CD164: variants seen among roughly 807,000 people sequenced by gnomAD.
The protein encoded by CD164 is CD164 molecule, also known as sialomucin core protein 24.
In CD164, 11 loss-of-function variants were observed where a neutral mutation model predicts 24.6. The ratio of observed to expected loss-of-function variants is 0.45; its 90% CI spans 0.28 to 0.74. The LOEUF is 0.74. Among genes scored for constraint, CD164 ranks in the 30% least tolerant of loss-of-function variants. The pLI is 0.13. For synonymous variants in CD164, 126 were observed against 100.3 expected (o/e 1.26, Z -1.53); for missense variants, 295 against 243.7 (o/e 1.21, Z -1.40).
At chr6:109,380,110 G>A (rs1402953201) in intron 1 of CD164, 1 of 152,640 alleles carries the variant, frequency 6.6e-6, no homozygotes, top group Non-Finnish European at 1.5e-5. Context: ...TTAACAGGTT[G>A]AACCCAAGCA....
chr6:109,381,942 TCGACTTGCAACACTTCGAGGGGGGCCC>T (rs1771775689), intron 1 of CD164: 1 of 389,276 alleles, frequency 2.6e-6, no homozygotes, highest in Non-Finnish European at 4.6e-6. Context: ...AAAAGGCACC[TCGACTTGCAACACTTCGAGGGGGGCCC>T]CAGCCCCGCA....
At position 109,377,891 on chromosome 6, in the gene CD164, A is replaced by G; in HGVS notation, c.331+9T>C. The G allele has an allele frequency of 6.2e-7, 1 of 1,610,344 alleles. No individual in the cohort carries two copies. The highest frequency in any genetic ancestry group is 1.1e-5 in the South Asian group (1 of 90,972). On this transcript the variant is annotated intron_variant, in intron 3 of 5. Transcript: ENST00000310786. ...GGTCAGCTTCCAAGCAGCCAATATG[A>G]ATACTTACCGGAACAGAAGTCTGTC...
At chr6:109,381,703 G>C in intron 1 of CD164, 3 of 637,076 alleles carry the variant, frequency 4.7e-6, no homozygotes, top group South Asian at 1.7e-5. Flanking sequence ...ACACGAACGA[G>C]CATTACCGTC....
rs1451048525 is a variant in CD164, at chr6:109,368,308, T to C, written c.*543A>G. 3 of 1,543,076 alleles carry C rather than the reference T, an allele frequency of 1.9e-6. No homozygotes were observed. The highest frequency in any genetic ancestry group is 1.9e-4 in the Middle Eastern group (1 of 5,400). On this transcript the variant is annotated 3_prime_UTR_variant, in exon 6 of 6. Coordinates refer to ENST00000310786, the MANE Select transcript of CD164 (RefSeq NM_006016.6). The stretch of plus-strand genomic sequence containing the variant: ...TTCTTTAAATCTGGAATGTAGTTCC[T>C]TGTGTGGCATCTTATTTCTAATGTA...
At chr6:109,381,728 T>C (rs1410141576) in intron 1 of CD164, 2 of 592,470 alleles carry the variant, frequency 3.4e-6, no homozygotes, top group African/African-American at 1.9e-5. Flanking sequence ...AGTTTCTCTT[T>C]CCCGGACTTC....
At chr6:109,369,609 G>C (rs1770969665) in intron 5 of CD164, among the ~76,000 whole-genome samples, 1 of 152,158 alleles carries the variant, frequency 6.6e-6, no homozygotes, top group Admixed American at 6.5e-5. Context: ...AGAGGAAACA[G>C]AAAAAGCGAT....
intron 5 of CD164, among the ~76,000 whole-genome samples, chr6:109,369,864 G>C (rs1278680506): frequency 2.0e-5 from 3 of 152,172 alleles, no homozygotes; most frequent in East Asian, 1.9e-4. Context: ...TTCCTAACCT[G>C]TGTACCTACA....
chr6:109,377,941 A>G lies in CD164; in HGVS notation c.290T>C (p.Val97Ala). Residue 97 changes from valine (V) to alanine (A), a missense_variant, in exon 3 of 6, where the codon GTT becomes GCT. Physicochemically the swap from Val to Ala is moderately conservative, Grantham distance 64. Transcript: ENST00000310786. The part of the protein sequence containing the change: ...DESYCSHNST[V>A]SDCQVGNTTD... ...CGTGTTCCCCACTTGACAATCACTA[A>G]CTGTTGAGTTATGTGAACAATAGCT... The G allele has an allele frequency of 6.2e-7, 1 of 1,613,700 alleles. No individual in the cohort carries two copies. The highest frequency in any genetic ancestry group is 1.6e-4 in the Middle Eastern group (1 of 6,062).
chr6:109,380,887 G>C (rs1341252328), intron 1 of CD164, among the ~76,000 whole-genome samples: 2 of 152,156 alleles, frequency 1.3e-5, no homozygotes, highest in Non-Finnish European at 2.9e-5. Context: ...AAATAGTGCG[G>C]TTAGAATTCC....
chr6:109,375,335 G>A (rs1324759788), intron 4 of CD164, among the ~76,000 whole-genome samples: 1 of 152,120 alleles, frequency 6.6e-6, no homozygotes, highest in Admixed American at 6.5e-5. Context: ...AGAAAATACA[G>A]GCTGGGCTCG....
intron 4 of CD164, 55 bp from the exon 5 acceptor site, chr6:109,370,522 TTATCTAA>T (rs1771021262): frequency 1.4e-6 from 2 of 1,450,966 alleles, no homozygotes; most frequent in Non-Finnish European, 9.5e-7. Flanking sequence ...AGCTTCCCAG[TTATCTAA>T]CAGCTTTAAA....
At position 109,368,958 on chromosome 6, in the gene CD164, C is replaced by A. The variant is rs1489904416; in HGVS notation, c.487G>T (p.Ala163Ser). ...SQPVRKSTFDAASFIGGIVLV... is the reference protein window; with the variant it reads ...SQPVRKSTFDSASFIGGIVLV... ...ACAATTCCTCCAATGAAACTGGCTGCATCAAAGGTAGACTTTCGCACAGGT... is the reference window on the plus strand; with the variant it reads ...ACAATTCCTCCAATGAAACTGGCTGAATCAAAGGTAGACTTTCGCACAGGT... Residue 163 changes from alanine to serine, a missense_variant, in exon 6 of 6, where the codon GCA becomes TCA. Ala to Ser is a moderately conservative substitution (Grantham distance 99). Transcript: ENST00000310786. 6 of 1,613,914 alleles carry A rather than the reference C, an allele frequency of 3.7e-6. No homozygotes were observed. The East Asian group carries it at 1.3e-4, about 36-fold the overall frequency.
At chr6:109,379,895 G>A (rs898695926) in intron 1 of CD164, 14 of 396,324 alleles carry the variant, frequency 3.5e-5, no homozygotes, top group Non-Finnish European at 5.5e-5. Context: ...AGTGCCTGAT[G>A]GTATCTGTCT....
chr6:109,371,724 A>C (rs1014062352), intron 4 of CD164: 3 of 153,786 alleles, frequency 2.0e-5, no homozygotes, highest in East Asian at 3.8e-4. Context: ...GGTTTCATTA[A>C]GAGGTTGTCC....
At position 109,370,271 on chromosome 6, in the gene CD164, T is replaced by C. The variant is rs546522517; in HGVS notation, c.427+140A>G. On this transcript the variant is annotated intron_variant, in intron 5 of 5. Transcript: ENST00000310786. Reference sequence around the variant, plus strand: ...ATTATTGTGTTAACAAAGCACTACCTTGATCCCCCCTAAGAGTAAGAGAAG... The same window carrying C: ...ATTATTGTGTTAACAAAGCACTACCCTGATCCCCCCTAAGAGTAAGAGAAG... The C allele has an allele frequency of 3.4e-5, 23 of 667,556 alleles. No homozygotes were observed. In the South Asian group the frequency reaches 3.8e-4, roughly 11 times the overall value. 41.4% of individuals were successfully genotyped at this position (667,556 alleles called of 1,614,324 possible). A position where few individuals can be genotyped will look rare whatever the true frequency, so the allele number is the denominator to read the frequency against.
intron 2 of CD164, 36 bp downstream of exon 2, chr6:109,379,543 A>C (rs371159765): frequency 7.1e-7 from 1 of 1,406,546 alleles, no homozygotes; most frequent in Non-Finnish European, 1.0e-6. Context: ...TTAAAATGCT[A>C]TAACAAAACA....
At position 109,382,450 on chromosome 6, in the gene CD164, G is replaced by A. The variant is rs1228102461; in HGVS notation, c.-72C>T. 15 of 1,354,982 alleles carry A rather than the reference G, an allele frequency of 1.1e-5. No homozygotes were observed. The highest frequency in any genetic ancestry group is 9.0e-5 in the East Asian group (3 of 33,478). The allele number at this position is 1,354,982 out of a possible 1,614,324, so 83.9% of individuals were successfully genotyped here. ...CTCAGTCAACCCCTCAATCCCCTGC[G>A]GCGCCGCCTCCGAGACTACGCTCCC... On this transcript the variant is annotated 5_prime_UTR_variant, in exon 1 of 6. Coordinates refer to ENST00000310786, the MANE Select transcript of CD164 (RefSeq NM_006016.6).
At position 109,373,517 on chromosome 6, in the gene CD164, G is replaced by C. The variant is rs565985202; in HGVS notation, c.370+2557C>G. On this transcript the variant is annotated intron_variant, in intron 4 of 5. Coordinates refer to ENST00000310786, the MANE Select transcript of CD164 (RefSeq NM_006016.6). ...CTTTCCCCCTTTACAGCACCAAAGA[G>C]AGCTATAGCACAAAAGACTCATGGC... Among the ~76,000 whole-genome samples, 5 of 152,214 alleles carry C rather than the reference G, an allele frequency of 3.3e-5. 1 individual carries two copies. In the South Asian group the frequency reaches 8.3e-4, roughly 25 times the overall value.
chr6:109,375,391 C>T (rs1396657383), intron 4 of CD164, among the ~76,000 whole-genome samples: 6 of 151,530 alleles, frequency 4.0e-5, no homozygotes, highest in East Asian at 1.9e-4. Context: ...CTGAGGTAGG[C>T]GGATCACTTT....
Sources: gnomAD v4.1 joint callset for allele counts (sites outside exome capture counted in the v4.1 genomes callset) on GRCh38, gnomAD v4.1.1 for gene constraint, MANE v1.5 for transcripts, NCBI Gene and HGNC (gene_info 2026-07-23, HGNC 2026-07-21) for gene names.